The following ERLIN2 variants were observed in gnomAD, a reference collection of about 807,000 sequenced individuals.
ERLIN2 encodes erlin-2.
In ERLIN2, 22 loss-of-function variants were observed where a neutral mutation model predicts 41.5. The observed-to-expected ratio is 0.53, with a 90% confidence interval of 0.38 to 0.76. ERLIN2 has a LOEUF of 0.76. Among genes scored for constraint, ERLIN2 ranks in the 30% least tolerant of loss-of-function variants. ERLIN2 has a pLI of 0.00. For synonymous variants in ERLIN2, 149 were observed against 150.9 expected, an observed-to-expected ratio of 0.99 and a Z score of 0.09; for missense variants, 247 against 414.3, an observed-to-expected ratio of 0.60 and a Z score of 3.51.
Position 37,737,973 on chromosome 8 carries a change from A to G in ERLIN2, c.51A>G (p.Ala17=). 1.9e-6 allele frequency: 3 copies of G among 1,614,078 alleles called. No homozygotes were observed. The highest frequency in any genetic ancestry group is 1.7e-5 in the Admixed American group (1 of 60,020). The change falls in exon 2 of 12, where the codon GCA becomes GCG. Residue 17 remains alanine (A), a synonymous_variant. Transcript: ENST00000519638. ...CTGTGGCTTCCAGTTTCTTTTGTGCATCTCTCTTCTCAGCTGTGCACAAGA... is the reference window on the plus strand; with the variant it reads ...CTGTGGCTTCCAGTTTCTTTTGTGCGTCTCTCTTCTCAGCTGTGCACAAGA... ...VVAVASSFFC[A]SLFSAVHKIE... is the part of the protein sequence containing the mutation.
At position 37,753,159 on chromosome 8, in the gene ERLIN2, C is replaced by T. The variant is rs113161314; in HGVS notation, c.740-291C>T. Among the ~76,000 whole-genome samples, 282 of 152,352 alleles carry T rather than the reference C, an allele frequency of 1.9e-3. 2 individuals carry two copies. The highest frequency in any genetic ancestry group is 6.4e-3 in the African/African-American group (264 of 41,574). ...CGCTTCTGGCTAACAGTGCTTTCTT[C>T]CATAGTGCTGTCAACATGTATGTTT... On this transcript the variant is annotated intron_variant, in intron 10 of 11. Coordinates refer to ENST00000519638, the MANE Select transcript of ERLIN2 (RefSeq NM_007175.8).
At chr8:37,740,598 A>ATG (rs1563311332) in intron 3 of ERLIN2, 152 bp downstream of exon 3, 1 of 209,446 alleles carries the variant, frequency 4.8e-6, no homozygotes, top group African/African-American at 2.5e-5. Flanking sequence ...TATATAATAT[A>ATG]TATATATATA....
chr8:37,752,832 A>G (rs988281768), intron 10 of ERLIN2, among the ~76,000 whole-genome samples: 2 of 152,368 alleles, frequency 1.3e-5, no homozygotes, highest in East Asian at 1.9e-4. Context: ...GGTCTGGACC[A>G]TGGCGTGTAA....
intron 7 of ERLIN2, 27 bp downstream of exon 7, chr8:37,749,659 C>CCT (rs745332149): frequency 1.4e-5 from 22 of 1,580,272 alleles, no homozygotes; most frequent in Middle Eastern, 3.3e-4. Context: ...GGGAGCAGCC[C>CCT]CTCTCTCTCT....
chr8:37,742,761 C>T (rs1418094442), intron 4 of ERLIN2, among the ~76,000 whole-genome samples: 3 of 152,128 alleles, frequency 2.0e-5, no homozygotes, highest in Non-Finnish European at 4.4e-5. Flanking sequence ...CCATGGCACA[C>T]GTTTACCTAT....
In ERLIN2 at chr8:37,750,096, C is replaced by G. The variant is rs1435298658; in HGVS notation, c.557+244C>G. On this transcript the variant is annotated intron_variant, in intron 8 of 11. Coordinates refer to ENST00000519638, the MANE Select transcript of ERLIN2 (RefSeq NM_007175.8). ...CGATGTTTTGAAAAGGGCCAGGGGGCCTTGTTTGTGTTCAGTGACTCATGC... is the reference window on the plus strand; with the variant it reads ...CGATGTTTTGAAAAGGGCCAGGGGGGCTTGTTTGTGTTCAGTGACTCATGC... 7 of 627,066 alleles carry G rather than the reference C, an allele frequency of 1.1e-5. No homozygotes were observed. The African/African-American group carries it at 1.3e-4, about 11-fold the overall frequency. The allele number at this position is 627,066 out of a possible 1,614,324, so 38.8% of individuals were successfully genotyped here.
chr8:37,737,785 C>T, intron 1 of ERLIN2, 123 bp from the exon 2 acceptor site: 1 of 1,131,296 alleles, frequency 8.8e-7, no homozygotes, highest in Non-Finnish European at 1.3e-6. Context: ...GCCTTGTGTT[C>T]ACACGACACC....
chr8:37,744,883 A>C, intron 6 of ERLIN2, 187 bp downstream of exon 6: 1 of 725,682 alleles, frequency 1.4e-6, no homozygotes, highest in South Asian at 1.5e-5. Context: ...GCTATGCAAC[A>C]AGATCCTTAG....
intron 6 of ERLIN2, chr8:37,745,796 G>T: frequency 2.1e-6 from 3 of 1,395,428 alleles, no homozygotes; most frequent in South Asian, 3.5e-5. Context: ...TATCTGTTTT[G>T]GATTCACTGT....
chr8:37,741,780 C>G lies in ERLIN2; in HGVS notation c.198C>G (p.Leu66=). The G allele has an allele frequency of 1.9e-6, 3 of 1,613,462 alleles. No individual in the cohort carries two copies. The East Asian group carries it at 6.7e-5, about 36-fold the overall frequency. Residue 66 remains leucine (L), a synonymous_variant, in exon 4 of 12, where the codon CTC becomes CTG. Transcript: ENST00000519638. This position sits in a 1 kb window ranked among gnomAD's most constrained non-coding sequence, Gnocchi z 4.8. The part of the protein sequence containing the change: ...ITSYKSVQTT[L]QTDEVKNVPC... ...GTTTCCTCTGTTTCCAGACCACACT[C>G]CAGACAGATGAGGTGAAGAATGTAC...
At position 37,749,544 on chromosome 8, in the gene ERLIN2, T is replaced by G; in HGVS notation, c.425-15T>G. The G allele has an allele frequency of 6.2e-7, 1 of 1,601,710 alleles. No individual in the cohort carries two copies. The highest frequency in any genetic ancestry group is 8.6e-7 in the Non-Finnish European group (1 of 1,168,690). On this transcript the variant is annotated splice_polypyrimidine_tract_variant and intron_variant, in intron 6 of 11. Coordinates refer to ENST00000519638, the MANE Select transcript of ERLIN2 (RefSeq NM_007175.8). ...GTGTAACAACTCCTTTTTCTCCATC[T>G]TTTCTTTATTCCAGATCAGATTGAT...
chr8:37,742,795 C>T (rs560938760), intron 4 of ERLIN2, among the ~76,000 whole-genome samples: 1 of 152,280 alleles, frequency 6.6e-6, no homozygotes, highest in South Asian at 2.1e-4. Flanking sequence ...ACATCCTGCA[C>T]ATGTACCTCT....
In ERLIN2 at chr8:37,753,403, C is replaced by T. The variant is rs1257320383; in HGVS notation, c.740-47C>T. 3 of 1,521,870 alleles carry T rather than the reference C, an allele frequency of 2.0e-6. No individual in the cohort carries two copies. The South Asian group carries it at 3.4e-5, about 17-fold the overall frequency. 94.3% of individuals were successfully genotyped at this position (1,521,870 alleles called of 1,614,324 possible). ...TAGCCTCTGCACTTCCTGCAAAGAA[C>T]TCAGTTTTAGCACTTCACCAAGTTC... On this transcript the variant is annotated intron_variant, in intron 10 of 11. Transcript: ENST00000519638.
At chr8:37,747,739 T>C in intron 6 of ERLIN2, 1 of 1,593,290 alleles carries the variant, frequency 6.3e-7, no homozygotes, top group African/African-American at 1.3e-5. Context: ...TTTCTTTCTG[T>C]ACTGTAGTTC....
intron 4 of ERLIN2, among the ~76,000 whole-genome samples, chr8:37,742,799 T>C (rs1272603301): frequency 6.6e-6 from 1 of 152,206 alleles, no homozygotes; most frequent in Non-Finnish European, 1.5e-5. Context: ...CCTGCACATG[T>C]ACCTCTGAAT....
In ERLIN2 at chr8:37,740,377, G is replaced by T. The variant is rs903181079; in HGVS notation, c.120G>T (p.Leu40=). 1.2e-6 allele frequency: 2 copies of T among 1,611,748 alleles called. No individual in the cohort carries two copies. The highest frequency in any genetic ancestry group is 3.3e-5 in the Admixed American group (2 of 59,930). Residue 40 remains leucine, a synonymous_variant, in exon 3 of 12, where the codon CTG becomes CTT. Coordinates refer to ENST00000519638, the MANE Select transcript of ERLIN2 (RefSeq NM_007175.8). ...CCCTCCTCTGCAGAGGCGGTGCCCT[G>T]CTGACTTCGACCAGCGGCCCTGGTT... ...HIGVYYRGGA[L]LTSTSGPGFH... is the part of the protein sequence containing the mutation.
intron 6 of ERLIN2, chr8:37,747,991 A>G (rs1219727791): frequency 3.1e-6 from 5 of 1,614,148 alleles, no homozygotes; most frequent in Admixed American, 3.3e-5. Context: ...TGACCGAGAC[A>G]CTACTTTCGG....
intron 1 of ERLIN2, chr8:37,737,057 G>A (rs1014797449): frequency 1.1e-6 from 1 of 909,320 alleles, no homozygotes; most frequent in Non-Finnish European, 1.3e-6. Flanking sequence ...GTTAGACCTG[G>A]GAGGCAGAAT....
chr8:37,748,050 G>T, intron 6 of ERLIN2: 1 of 1,520,610 alleles, frequency 6.6e-7, no homozygotes, highest in Non-Finnish European at 9.1e-7. Context: ...GAAGAGGGTC[G>T]CGCCGAAATG....
Sources: gnomAD v4.1 joint callset for allele counts (sites outside exome capture counted in the v4.1 genomes callset) on GRCh38, gnomAD v4.1.1 for gene constraint, Gnocchi (gnomAD v3.1) non-coding constraint, MANE v1.5 for transcripts, NCBI Gene and HGNC (gene_info 2026-07-23, HGNC 2026-07-21) for gene names.